Variants in GRM7 observed in about 807,000 individuals in gnomAD.
GRM7 encodes glutamate metabotropic receptor 7, also known as metabotropic glutamate receptor 7.
A neutral mutation model predicts 84.5 loss-of-function variants in GRM7; 35 were observed. The ratio of observed to expected loss-of-function variants is 0.41; its 90% confidence interval spans 0.32 to 0.55. The LOEUF is 0.55. Ranked by LOEUF, GRM7 falls within the 20% of genes least tolerant of loss-of-function variation. The probability of loss-of-function intolerance (pLI) is 0.19; values close to 1 mark genes in which losing one functional copy is unlikely to be tolerated. For synonymous variants in GRM7, 487 were observed against 455.1 expected, an observed-to-expected ratio of 1.07 and a Z score of -0.89; for missense variants, 1,003 against 1,194.6, an observed-to-expected ratio of 0.84 and a Z score of 2.36.
At chr3:6,908,877 T>G (rs976974174) in intron 1 of GRM7, among the ~76,000 whole-genome samples, 3 of 152,128 alleles carry the variant, frequency 2.0e-5, no homozygotes, top group African/African-American at 7.2e-5. Flanking sequence ...GTGAATGCTT[T>G]GGGAGTTAGA....
chr3:7,059,870 C>T (rs575340883), intron 1 of GRM7, among the ~76,000 whole-genome samples: 3 of 151,926 alleles, frequency 2.0e-5, no homozygotes, highest in Admixed American at 2.0e-4. Context: ...GTTCTTTCAT[C>T]TTGAGCTCCT....
chr3:6,949,300 T>C (rs1194457689), intron 1 of GRM7, among the ~76,000 whole-genome samples: 7 of 152,274 alleles, frequency 4.6e-5, no homozygotes, highest in African/African-American at 1.7e-4. Flanking sequence ...TATTTTATTT[T>C]TCCTTCATTT....
chr3:7,066,903 CA>C (rs1429336262), intron 1 of GRM7, among the ~76,000 whole-genome samples: 5 of 151,926 alleles, frequency 3.3e-5, no homozygotes, highest in Non-Finnish European at 7.4e-5. Flanking sequence ...GCCACATAAA[CA>C]GATTTAAAAA....
intron 2 of GRM7, among the ~76,000 whole-genome samples, chr3:7,280,882 C>T (rs114312118): frequency 0.01 from 1,556 of 152,194 alleles, 31 homozygotes; most frequent in African/African-American, 0.033. Context: ...TGGCACTGAA[C>T]AGGTATATGA....
chr3:7,484,463 A>G (rs190096279), intron 7 of GRM7, among the ~76,000 whole-genome samples: 2 of 152,326 alleles, frequency 1.3e-5, no homozygotes, highest in East Asian at 1.9e-4. Context: ...GTCAATACCC[A>G]TAAAGTGTGA....
intron 8 of GRM7, among the ~76,000 whole-genome samples, chr3:7,650,032 C>A (rs1346529391): frequency 1.3e-5 from 2 of 152,018 alleles, no homozygotes; most frequent in Admixed American, 1.3e-4. Context: ...TTTTTATGTT[C>A]TTTTCTACAT....
intron 1 of GRM7, among the ~76,000 whole-genome samples, chr3:6,922,167 C>T (rs1298119234): frequency 6.6e-6 from 1 of 152,200 alleles, no homozygotes; most frequent in African/African-American, 2.4e-5. Context: ...ATCCTCAGAT[C>T]ACATAGCCCA....
In GRM7 at chr3:7,075,675, G is replaced by A. The variant is rs565137656; in HGVS notation, c.520-70777G>A. 1.1e-4 allele frequency among the ~76,000 whole-genome samples: 16 copies of A among 152,030 alleles called. No individual in the cohort carries two copies. The East Asian group carries it at 2.7e-3, about 26-fold the overall frequency. On this transcript the variant is annotated intron_variant, in intron 1 of 9. Coordinates refer to ENST00000357716, the MANE Select transcript of GRM7 (RefSeq NM_000844.4). The stretch of plus-strand genomic sequence containing the variant: ...TGAGTAGCTGGGATTACAGGTGCCC[G>A]CCACCATGCCCAGCCAATTTTTGTA...
intron 1 of GRM7, among the ~76,000 whole-genome samples, chr3:7,023,012 G>A (rs1695836604): frequency 6.9e-6 from 1 of 143,960 alleles, no homozygotes; most frequent in African/African-American, 2.5e-5. Flanking sequence ...TCTTTTAGGG[G>A]CAGTAAATCA....
At position 7,334,044 on chromosome 3, in the gene GRM7, A is replaced by T. The variant is rs189204884; in HGVS notation, c.1033+27392A>T. 1.6e-3 allele frequency among the ~76,000 whole-genome samples: 237 copies of T among 152,276 alleles called. 1 individual carries two copies. The highest frequency in any genetic ancestry group is 6.8e-3 in the Middle Eastern group (2 of 294). On this transcript the variant is annotated intron_variant, in intron 4 of 9. Transcript: ENST00000357716. ...GTTTGGAAAATGTATTTAAGGGAAT[A>T]ATCAAGGAAAACTTCCTTGGTCTTG... is the stretch of plus-strand genomic sequence containing the variant.
intron 4 of GRM7, among the ~76,000 whole-genome samples, chr3:7,363,609 A>G (rs749177741): frequency 1.1e-4 from 17 of 152,220 alleles, no homozygotes; most frequent in Non-Finnish European, 7.4e-5. Flanking sequence ...TATAAAGATG[A>G]TGAACATCTA....
chr3:7,166,907 T>C (rs1694817553), intron 2 of GRM7, among the ~76,000 whole-genome samples: 1 of 152,238 alleles, frequency 6.6e-6, no homozygotes, highest in Non-Finnish European at 1.5e-5. Context: ...TGTGTTTAAA[T>C]ACAATGTCTT....
intron 8 of GRM7, among the ~76,000 whole-genome samples, chr3:7,661,828 T>C (rs1411677717): frequency 1.2e-5 from 1 of 84,294 alleles, no homozygotes; most frequent in Admixed American, 1.3e-4. Flanking sequence ...AAATGTAAAA[T>C]GCTACTATCA....
intron 5 of GRM7, among the ~76,000 whole-genome samples, chr3:7,421,392 A>G (rs1282629250): frequency 1.3e-5 from 2 of 152,282 alleles, no homozygotes; most frequent in East Asian, 3.9e-4. Context: ...TAAAATTGCT[A>G]GTGCAAAAAA....
intron 9 of GRM7, among the ~76,000 whole-genome samples, chr3:7,686,091 T>C (rs563644685): frequency 6.6e-6 from 1 of 152,254 alleles, no homozygotes; most frequent in East Asian, 1.9e-4. Flanking sequence ...AGATAAATTA[T>C]GTTTGGGCTG....
chr3:7,458,002 G>C (rs1308541216), intron 6 of GRM7, among the ~76,000 whole-genome samples: 1 of 152,182 alleles, frequency 6.6e-6, no homozygotes, highest in East Asian at 1.9e-4. Flanking sequence ...TTCTTGGGCA[G>C]AAAGAGATAT....
At chr3:7,575,162 C>A (rs1302849207) in intron 7 of GRM7, among the ~76,000 whole-genome samples, 1 of 152,124 alleles carries the variant, frequency 6.6e-6, no homozygotes, top group African/African-American at 2.4e-5. Flanking sequence ...ATGTAAAGTT[C>A]TGTTCTCTTG....
chr3:6,886,108 T>TGTGG lies in GRM7; in HGVS notation c.519+24202_519+24203insTGGG, dbSNP rs1434095395. Among the ~76,000 whole-genome samples the TGTGG allele has an allele frequency of 5.3e-5, 8 of 151,858 alleles. No homozygotes were observed. The East Asian group carries it at 1.2e-3, about 22-fold the overall frequency. ...ACATAGTTACCATTGTGTGTGTGTG[T>TGTGG]GGGTGTGTGTGTGTGTATGGTGAGG... is the stretch of plus-strand genomic sequence containing the variant. On this transcript the variant is annotated intron_variant, in intron 1 of 9. Coordinates refer to ENST00000357716, the MANE Select transcript of GRM7 (RefSeq NM_000844.4).
In GRM7 at chr3:6,874,865, C is replaced by T. The variant is rs146312642; in HGVS notation, c.519+12958C>T. Among the ~76,000 whole-genome samples, 1,364 of 152,312 alleles carry T rather than the reference C, an allele frequency of 9.0e-3. 9 individuals carry two copies. Among genetic ancestry groups the T allele is most frequent in the Non-Finnish European group, 0.012 (784 of 68,032 alleles). ...TTACTCCTTTCAGCCTTTCCTGAAT[C>T]AACTAATATTTTATTTCCTTCTTAA... On this transcript the variant is annotated intron_variant, in intron 1 of 9. Coordinates refer to ENST00000357716, the MANE Select transcript of GRM7 (RefSeq NM_000844.4).
Sources: allele counts gnomAD v4.1 joint callset (sites outside exome capture counted in the v4.1 genomes callset), GRCh38; gene constraint gnomAD v4.1.1; transcripts MANE v1.5; gene names NCBI Gene and HGNC (gene_info 2026-07-23, HGNC 2026-07-21).